ERC1: variants seen among roughly 807,000 people sequenced by gnomAD.
The protein encoded by ERC1 is ELKS/RAB6-interacting/CAST family member 1.
ERC1 carries 56 observed loss-of-function variants against 132.0 expected under a neutral mutation model. The observed-to-expected ratio is 0.42, with a 90% CI of 0.34 to 0.53. The LOEUF is 0.53. ERC1 is among the 20% of genes least tolerant of loss of function. The pLI is 0.03. For synonymous variants in ERC1, 478 were observed against 476.1 expected (o/e 1.00, Z -0.05); for missense variants, 1,202 against 1,349.9 (o/e 0.89, Z 1.72).
chr12:1,323,139 C>T (rs576397184), intron 15 of ERC1, among the ~76,000 whole-genome samples: 11 of 151,698 alleles, frequency 7.3e-5, no homozygotes, highest in Non-Finnish European at 1.3e-4. Context: ...AATTATGTGA[C>T]TATTCAACAT....
intron 8 of ERC1, among the ~76,000 whole-genome samples, chr12:1,164,582 C>T (rs568744450): frequency 5.3e-5 from 8 of 152,216 alleles, no homozygotes; most frequent in East Asian, 1.9e-4. Flanking sequence ...CCTCGTGATC[C>T]GCCCACCTCA....
At chr12:1,367,982 A>G (rs1365968956) in intron 15 of ERC1, among the ~76,000 whole-genome samples, 5 of 144,534 alleles carry the variant, frequency 3.5e-5, no homozygotes, top group Non-Finnish European at 6.0e-5. Context: ...TTAACTCTGG[A>G]AAAGAAGGGA....
chr12:1,327,388 G>C lies in ERC1; in HGVS notation c.2780+37376G>C, dbSNP rs78021369. 8.1e-3 allele frequency among the ~76,000 whole-genome samples: 1,238 copies of C among 152,226 alleles called. 22 individuals are homozygous for C. Among genetic ancestry groups the C allele is most frequent in the African/African-American group, 0.028 (1,173 of 41,510 alleles). ...TTAGAGTTACCTACAGTAGGATTTA[G>C]AGGTCTTTTATTCCCATGATTATAT... On this transcript the variant is annotated intron_variant, in intron 15 of 18. Coordinates refer to ENST00000360905, the MANE Select transcript of ERC1 (RefSeq NM_178040.4).
At chr12:1,382,192 G>A (rs1466810857) in intron 16 of ERC1, among the ~76,000 whole-genome samples, 1 of 152,148 alleles carries the variant, frequency 6.6e-6, no homozygotes, top group African/African-American at 2.4e-5. Flanking sequence ...CACCATCAAC[G>A]AATATCAAAC....
chr12:1,252,369 G>A (rs1202172101), intron 13 of ERC1, among the ~76,000 whole-genome samples: 1 of 152,082 alleles, frequency 6.6e-6, no homozygotes, highest in Non-Finnish European at 1.5e-5. Flanking sequence ...TTTTGGTAAA[G>A]ACTTTGAAAA....
chr12:1,288,115 A>G (rs2079160744), intron 14 of ERC1, among the ~76,000 whole-genome samples: 1 of 152,228 alleles, frequency 6.6e-6, no homozygotes, highest in Admixed American at 6.5e-5. Context: ...TACTGATTTT[A>G]TGTTATAAAA....
At chr12:1,410,395 G>A in intron 17 of ERC1, 1 of 1,321,500 alleles carries the variant, frequency 7.6e-7, no homozygotes, top group Non-Finnish European at 1.0e-6. Context: ...GTAGGATGAG[G>A]AGGAGGGTAT....
intron 15 of ERC1, among the ~76,000 whole-genome samples, chr12:1,359,879 C>G (rs994337877): frequency 6.6e-6 from 1 of 151,940 alleles, no homozygotes; most frequent in Non-Finnish European, 1.5e-5. Flanking sequence ...TTAGAGTCTT[C>G]TAACATGGAG....
chr12:1,451,621 T>A (rs963515136), intron 18 of ERC1, among the ~76,000 whole-genome samples: 3 of 152,136 alleles, frequency 2.0e-5, no homozygotes, highest in African/African-American at 7.2e-5. Context: ...TGAGACCCTG[T>A]CTCAGAAAAT....
intron 1 of ERC1, among the ~76,000 whole-genome samples, chr12:1,007,606 G>A (rs1036702216): frequency 6.6e-6 from 1 of 151,142 alleles, no homozygotes; most frequent in Non-Finnish European, 1.5e-5. Flanking sequence ...AGTTGATGGG[G>A]AGGAAGAAGA....
chr12:1,255,192 G>A (rs1470379344), intron 13 of ERC1, among the ~76,000 whole-genome samples: 1 of 151,832 alleles, frequency 6.6e-6, no homozygotes, highest in Non-Finnish European at 1.5e-5. Context: ...GAGAACATGC[G>A]GTGTTTGGTT....
At chr12:1,377,896 C>T (rs2088137198) in intron 16 of ERC1, among the ~76,000 whole-genome samples, 1 of 152,158 alleles carries the variant, frequency 6.6e-6, no homozygotes. Context: ...AGTAAACTCT[C>T]TTTGTTAGGA....
intron 1 of ERC1, among the ~76,000 whole-genome samples, chr12:1,008,429 G>A (rs1964101748): frequency 1.3e-5 from 2 of 152,002 alleles, no homozygotes; most frequent in African/African-American, 4.8e-5. Context: ...AAAAATTATT[G>A]ATCTATTTAC....
At chr12:1,060,175 CT>C (rs563850203) in intron 2 of ERC1, among the ~76,000 whole-genome samples, 14 of 144,212 alleles carry the variant, frequency 9.7e-5, no homozygotes, top group African/African-American at 1.0e-4. Flanking sequence ...AAGGCCACTT[CT>C]TTTTTTTTTA....
chr12:1,236,383 T>C (rs1455823603), intron 12 of ERC1, among the ~76,000 whole-genome samples: 1 of 152,184 alleles, frequency 6.6e-6, no homozygotes, highest in Non-Finnish European at 1.5e-5. Flanking sequence ...ATTAGAGTTG[T>C]TTTACAAAGC....
At chr12:1,440,343 T>C (rs1482329628) in intron 17 of ERC1, among the ~76,000 whole-genome samples, 8 of 149,110 alleles carry the variant, frequency 5.4e-5, no homozygotes, top group South Asian at 2.1e-4. Flanking sequence ...TAGCTGGGAC[T>C]ACAGACGCCC....
chr12:1,163,831 T>A (rs925780049), intron 8 of ERC1, among the ~76,000 whole-genome samples: 1 of 152,230 alleles, frequency 6.6e-6, no homozygotes, highest in African/African-American at 2.4e-5. Context: ...TTCTCATGCC[T>A]CAGCCTCCCT....
chr12:1,336,701 G>C (rs2083344521), intron 15 of ERC1, among the ~76,000 whole-genome samples: 1 of 152,146 alleles, frequency 6.6e-6, no homozygotes, highest in Admixed American at 6.5e-5. Context: ...GCCATGCGAA[G>C]GTGAGAATGT....
intron 8 of ERC1, among the ~76,000 whole-genome samples, chr12:1,162,283 G>T (rs1364195099): frequency 6.6e-6 from 1 of 152,170 alleles, no homozygotes; most frequent in Non-Finnish European, 1.5e-5. Context: ...ATAAATCACT[G>T]ACCTGGAAAA....
Sources: gnomAD v4.1 joint callset for allele counts (sites outside exome capture counted in the v4.1 genomes callset) on GRCh38, gnomAD v4.1.1 for gene constraint, MANE v1.5 for transcripts, NCBI Gene and HGNC (gene_info 2026-07-23, HGNC 2026-07-21) for gene names.